The following NBEA variants were observed in gnomAD, a reference collection of about 807,000 sequenced individuals.
NBEA encodes lysosomal-trafficking regulator 2.
Under a neutral mutation model 343.4 loss-of-function variants are expected in NBEA, and 44 were observed. That is an observed-to-expected ratio of 0.13 (90% CI 0.10 to 0.16). The LOEUF is 0.16. Among genes scored for constraint, NBEA ranks in the 10% least tolerant of loss-of-function variants. The pLI is 1.00. For missense variants in NBEA, 2,555 were observed against 3,631.3 expected (o/e 0.70, Z 7.62); for synonymous variants, 1,175 against 1,238.7 (o/e 0.95, Z 1.08).
chr13:35,475,368 T>C (rs200045127), intron 41 of NBEA: 3 of 1,613,750 alleles, frequency 1.9e-6, no homozygotes, highest in Admixed American at 3.3e-5. Flanking sequence ...GACGATCCCT[T>C]AAGGTTTTGA....
chr13:35,232,308 CTT>C (rs2075019559), intron 33 of NBEA, among the ~76,000 whole-genome samples, 182 bp from the exon 34 acceptor site: 1 of 152,094 alleles, frequency 6.6e-6, no homozygotes, highest in African/African-American at 2.4e-5. Context: ...TAGCTGAAAC[CTT>C]TCAGTAGCCT....
Position 35,528,840 on chromosome 13 carries a change from T to C in NBEA, c.6586-21637T>C, listed in dbSNP as rs189466353. On this transcript the variant is annotated intron_variant, in intron 41 of 58. Transcript: ENST00000379939. ...TTCATTAAGGAACTCATGGTCTTTT[T>C]CTAGGGAGCAAGGGTGGTTACTGGA... 2.8e-4 allele frequency among the ~76,000 whole-genome samples: 43 copies of C among 152,310 alleles called. No individual in the cohort carries two copies. In the East Asian group the frequency reaches 8.1e-3, roughly 29 times the overall value.
At chr13:34,977,931 T>A (rs1226137075) in intron 1 of NBEA, among the ~76,000 whole-genome samples, 1 of 152,178 alleles carries the variant, frequency 6.6e-6, no homozygotes, top group Non-Finnish European at 1.5e-5. Flanking sequence ...TCCACCTGCC[T>A]CAGCCTCCTG....
chr13:35,395,988 TC>T (rs1269065792), intron 38 of NBEA, among the ~76,000 whole-genome samples: 1 of 152,164 alleles, frequency 6.6e-6, no homozygotes, highest in East Asian at 1.9e-4. Flanking sequence ...TATATGCTTT[TC>T]TATTCATTTA....
intron 21 of NBEA, among the ~76,000 whole-genome samples, chr13:35,158,334 C>T (rs867432440): frequency 6.6e-6 from 1 of 151,924 alleles, no homozygotes; most frequent in Admixed American, 6.6e-5. Context: ...ATTAGAAAAG[C>T]TTTTGTTTCA....
chr13:35,620,725 G>T (rs1396747390), intron 48 of NBEA, among the ~76,000 whole-genome samples: 1 of 152,116 alleles, frequency 6.6e-6, no homozygotes, highest in Non-Finnish European at 1.5e-5. Context: ...GGTAATTTGA[G>T]AGATGATGGT....
intron 34 of NBEA, among the ~76,000 whole-genome samples, chr13:35,285,674 C>A (rs1211442744): frequency 1.3e-5 from 2 of 152,158 alleles, no homozygotes; most frequent in African/African-American, 4.8e-5. Flanking sequence ...TTGTCACCAT[C>A]TTGAGCTCAA....
At chr13:35,036,099 C>G (rs1042343462) in intron 1 of NBEA, among the ~76,000 whole-genome samples, 2 of 151,524 alleles carry the variant, frequency 1.3e-5, no homozygotes, top group Admixed American at 6.6e-5. Flanking sequence ...CATTTCTGTC[C>G]TCTAGTGAAG....
intron 17 of NBEA, among the ~76,000 whole-genome samples, chr13:35,138,892 A>T (rs1316695861): frequency 1.3e-5 from 2 of 152,070 alleles, no homozygotes; most frequent in African/African-American, 4.8e-5. Context: ...CCTGTCATTT[A>T]TATCTGTGTG....
intron 46 of NBEA, among the ~76,000 whole-genome samples, chr13:35,584,295 G>A (rs957838823): frequency 2.0e-5 from 3 of 150,886 alleles, no homozygotes; most frequent in African/African-American, 7.3e-5. Context: ...TTATAAAGGA[G>A]CCAAAATTGA....
At chr13:35,156,058 A>T (rs41292193) in intron 19 of NBEA, 25 bp from the exon 20 acceptor site, 39,395 of 1,559,060 alleles carry the variant, frequency 0.025, 895 homozygotes, top group African/African-American at 0.1. Context: ...TTACAAATCT[A>T]CAAGTTTTTT....
chr13:35,088,374 T>C (rs2064883250), intron 10 of NBEA, among the ~76,000 whole-genome samples: 1 of 151,920 alleles, frequency 6.6e-6, no homozygotes, highest in Non-Finnish European at 1.5e-5. Flanking sequence ...TCTGGTTCTG[T>C]GATGACAGCC....
intron 1 of NBEA, among the ~76,000 whole-genome samples, chr13:34,946,895 G>A (rs1331438218): frequency 1.4e-5 from 2 of 146,460 alleles, no homozygotes; most frequent in East Asian, 2.0e-4. Context: ...TTCTTCCTTA[G>A]AGTTTTTTTA....
intron 8 of NBEA, among the ~76,000 whole-genome samples, chr13:35,066,014 T>C (rs2063639635): frequency 6.6e-6 from 1 of 152,044 alleles, no homozygotes; most frequent in Non-Finnish European, 1.5e-5. Context: ...TAAGCTGGAG[T>C]GCAGTGGTGC....
chr13:35,091,074 A>G (rs1031700500), intron 10 of NBEA, among the ~76,000 whole-genome samples: 2 of 151,968 alleles, frequency 1.3e-5, no homozygotes, highest in South Asian at 2.1e-4. Context: ...TTGTTCTGTT[A>G]TGGCCCAGCC....
At chr13:35,495,307 C>T (rs912450698) in intron 41 of NBEA, among the ~76,000 whole-genome samples, 2 of 151,880 alleles carry the variant, frequency 1.3e-5, no homozygotes, top group Admixed American at 6.6e-5. Flanking sequence ...AAAAGATTAG[C>T]TTATAGGGGA....
chr13:35,303,225 G>A (rs1382204355), intron 35 of NBEA, among the ~76,000 whole-genome samples: 1 of 151,918 alleles, frequency 6.6e-6, no homozygotes, highest in Non-Finnish European at 1.5e-5. Flanking sequence ...TTTTCTATAG[G>A]ATTAAAGAAA....
At chr13:35,450,526 C>T (rs2046258105) in intron 39 of NBEA, among the ~76,000 whole-genome samples, 1 of 151,994 alleles carries the variant, frequency 6.6e-6, no homozygotes, top group Admixed American at 6.6e-5. Context: ...CATCAATAGG[C>T]AGTAATGGAC....
At chr13:35,539,911 G>T (rs1331966084) in intron 41 of NBEA, among the ~76,000 whole-genome samples, 1 of 32,830 alleles carries the variant, frequency 3.0e-5, no homozygotes, top group East Asian at 8.1e-4. Flanking sequence ...GCAAGACTCC[G>T]TCTCAAAAAA....
Sources: gnomAD v4.1 joint callset for allele counts (sites outside exome capture counted in the v4.1 genomes callset) on GRCh38, gnomAD v4.1.1 for gene constraint, MANE v1.5 for transcripts, NCBI Gene and HGNC (gene_info 2026-07-23, HGNC 2026-07-21) for gene names.